CDC37L1: variants seen among roughly 807,000 people sequenced by gnomAD.
CDC37L1 encodes hsp90 co-chaperone Cdc37-like 1.
Under a neutral mutation model 45.9 loss-of-function variants are expected in CDC37L1, and 32 were observed. That is an observed-to-expected ratio of 0.70 (90% confidence interval 0.53 to 0.94). CDC37L1 has a LOEUF of 0.94. Ranked by LOEUF, CDC37L1 falls within the 40% of genes least tolerant of loss-of-function variation. The probability of loss-of-function intolerance (pLI) is 0.00; values close to 1 mark genes in which losing one functional copy is unlikely to be tolerated. For missense variants in CDC37L1, 434 were observed against 405.7 expected (o/e 1.07, Z -0.60); for synonymous variants, 150 against 133.0 (o/e 1.13, Z -0.88).
At position 4,706,939 on chromosome 9, in the gene CDC37L1, A is replaced by G. The variant is rs1841448815; in HGVS notation, c.*827A>G. ...TGGCTTGTAAGAACAAACAGGAATAATAATCTGATTTTTAAATTTGTAGTT... is the reference window on the plus strand; with the variant it reads ...TGGCTTGTAAGAACAAACAGGAATAGTAATCTGATTTTTAAATTTGTAGTT... On this transcript the variant is annotated 3_prime_UTR_variant, in exon 7 of 7. Transcript: ENST00000381854. 1 of 152,222 alleles carries G rather than the reference A, an allele frequency of 6.6e-6. No individual in the cohort carries two copies. Among genetic ancestry groups the G allele is most frequent in the African/African-American group, 2.4e-5 (1 of 41,460 alleles). 9.4% of individuals were successfully genotyped at this position (152,222 alleles called of 1,614,324 possible).
At chr9:4,694,661 A>G (rs1206244438) in intron 3 of CDC37L1, among the ~76,000 whole-genome samples, 1 of 152,136 alleles carries the variant, frequency 6.6e-6, no homozygotes, top group Non-Finnish European at 1.5e-5. Flanking sequence ...TCATGAGGTT[A>G]GGAGTTCGAG....
intron 4 of CDC37L1, among the ~76,000 whole-genome samples, chr9:4,697,512 T>TA (rs1315566472): frequency 2.0e-5 from 3 of 152,082 alleles, no homozygotes; most frequent in Non-Finnish European, 4.4e-5. Context: ...AGTCGTATTT[T>TA]AAAAATCCAG....
In CDC37L1 at chr9:4,684,874, C is replaced by T. The variant is rs1563767261; in HGVS notation, c.133-3C>T. ...ATTTCTTACAAATATTGTTTTTATC[C>T]AGATGTATAGCCATGGAATTGAATT... is the stretch of plus-strand genomic sequence containing the variant. On this transcript the variant is annotated splice_region_variant and splice_polypyrimidine_tract_variant and intron_variant, in intron 1 of 6. Coordinates refer to ENST00000381854, the MANE Select transcript of CDC37L1 (RefSeq NM_017913.4). 1.3e-6 allele frequency: 2 copies of T among 1,599,654 alleles called. No homozygotes were observed. Among genetic ancestry groups the T allele is most frequent in the South Asian group, 1.1e-5 (1 of 90,290 alleles).
At chr9:4,680,222 A>G (rs1463516549) in intron 1 of CDC37L1, among the ~76,000 whole-genome samples, 1 of 152,150 alleles carries the variant, frequency 6.6e-6, no homozygotes, top group Non-Finnish European at 1.5e-5. Flanking sequence ...CTCATGCTGT[A>G]ACATTGACCC....
chr9:4,693,263 GAA>G (rs1318960547), intron 3 of CDC37L1, among the ~76,000 whole-genome samples: 1 of 147,182 alleles, frequency 6.8e-6, no homozygotes, highest in African/African-American at 2.5e-5. Flanking sequence ...GCAACACAGT[GAA>G]ACCTCATCTC....
chr9:4,682,621 G>A (rs1810065203), intron 1 of CDC37L1, among the ~76,000 whole-genome samples: 1 of 150,852 alleles, frequency 6.6e-6, no homozygotes, highest in Admixed American at 6.6e-5. Flanking sequence ...CACCACTCCC[G>A]GCCATGCCCA....
chr9:4,684,294 A>G (rs923510418), intron 1 of CDC37L1, among the ~76,000 whole-genome samples: 1 of 152,256 alleles, frequency 6.6e-6, no homozygotes, highest in East Asian at 1.9e-4. Context: ...AAATATATAT[A>G]TATATAATTT....
intron 2 of CDC37L1, among the ~76,000 whole-genome samples, chr9:4,686,027 A>G (rs531402952): frequency 1.4e-3 from 211 of 152,310 alleles, no homozygotes; most frequent in African/African-American, 4.9e-3. Context: ...GCTGAGTATG[A>G]TGGCATGTGC....
At chr9:4,697,969 C>G in intron 5 of CDC37L1, 90 bp downstream of exon 5, 2 of 1,088,020 alleles carry the variant, frequency 1.8e-6, no homozygotes, top group East Asian at 2.5e-5. Context: ...GGCATCCAAG[C>G]AGGATGCCAC....
chr9:4,698,410 G>A (rs1259476296), intron 5 of CDC37L1, among the ~76,000 whole-genome samples: 8 of 149,724 alleles, frequency 5.3e-5, no homozygotes, highest in Non-Finnish European at 1.0e-4. Flanking sequence ...CTGAAGAAAT[G>A]CTTACGCTAT....
chr9:4,679,596 C>T lies in CDC37L1; in HGVS notation c.-172C>T, dbSNP rs1055310112. 1 of 572,004 alleles carries T rather than the reference C, an allele frequency of 1.7e-6. No homozygotes were observed. 35.4% of individuals were successfully genotyped at this position (572,004 alleles called of 1,614,324 possible). A position where few individuals can be genotyped will look rare whatever the true frequency, so the allele number is the denominator to read the frequency against. On this transcript the variant is annotated 5_prime_UTR_variant, in exon 1 of 7. Transcript: ENST00000381854. ...TCCGCCGTCCGCCGGTGGCGAGGCCCAGGCTGTCGCCGGGTGTGCAGCGGC... is the reference window on the plus strand; with the variant it reads ...TCCGCCGTCCGCCGGTGGCGAGGCCTAGGCTGTCGCCGGGTGTGCAGCGGC...
chr9:4,688,830 T>C (rs1841275075), intron 3 of CDC37L1, among the ~76,000 whole-genome samples: 1 of 152,068 alleles, frequency 6.6e-6, no homozygotes, highest in African/African-American at 2.4e-5. Flanking sequence ...GCAAAAGTAT[T>C]ATTATATAGT....
At chr9:4,691,880 A>T (rs1841303959) in intron 3 of CDC37L1, among the ~76,000 whole-genome samples, 2 of 152,222 alleles carry the variant, frequency 1.3e-5, no homozygotes, top group Non-Finnish European at 2.9e-5. Context: ...TTAAAAACAA[A>T]GGCTTTTATC....
chr9:4,692,279 T>G (rs1841308194), intron 3 of CDC37L1, among the ~76,000 whole-genome samples: 1 of 152,088 alleles, frequency 6.6e-6, no homozygotes, highest in Non-Finnish European at 1.5e-5. Context: ...AATGTTTTTT[T>G]TTTTTTTGAG....
chr9:4,705,049 T>C (rs1841430039), intron 6 of CDC37L1, among the ~76,000 whole-genome samples: 1 of 152,166 alleles, frequency 6.6e-6, no homozygotes, highest in Non-Finnish European at 1.5e-5. Context: ...TTTTGACTTT[T>C]AGAATAAAGG....
chr9:4,704,425 T>C (rs1841425371), intron 6 of CDC37L1, among the ~76,000 whole-genome samples: 1 of 152,238 alleles, frequency 6.6e-6, no homozygotes, highest in East Asian at 1.9e-4. Flanking sequence ...TAAGTGTAGG[T>C]TAGGTCGGGT....
chr9:4,694,889 T>A (rs1256053130), intron 3 of CDC37L1, among the ~76,000 whole-genome samples: 2 of 151,516 alleles, frequency 1.3e-5, no homozygotes, highest in African/African-American at 2.4e-5. Context: ...AAAAAAAAAA[T>A]TAACATTTAA....
intron 6 of CDC37L1, chr9:4,703,045 T>A (rs771850591): frequency 6.9e-5 from 106 of 1,526,358 alleles, no homozygotes; most frequent in Middle Eastern, 1.7e-4. Flanking sequence ...TTGATTTTAC[T>A]AGTAGCACTT....
chr9:4,706,040 T>C lies in CDC37L1; in HGVS notation c.942T>C (p.Ser314=). The part of the protein sequence containing the change: ...QNPDYLQYSI[S]TALCSLNSVV... ...CAGATTATCTTCAGTATTCTATCAG[T>C]ACAGCTCTCTGCAGCTTAAACTCGG... is the stretch of plus-strand genomic sequence containing the variant. The change falls in exon 7 of 7, where the codon AGT becomes AGC. Residue 314 remains serine (S), a synonymous_variant. Transcript: ENST00000381854. 2 of 1,595,582 alleles carry C rather than the reference T, an allele frequency of 1.3e-6. No individual in the cohort carries two copies. The highest frequency in any genetic ancestry group is 1.7e-5 in the Admixed American group (1 of 59,978).
Sources: allele counts gnomAD v4.1 joint callset (sites outside exome capture counted in the v4.1 genomes callset), GRCh38; gene constraint gnomAD v4.1.1; transcripts MANE v1.5; gene names NCBI Gene and HGNC (gene_info 2026-07-23, HGNC 2026-07-21).